The following MROH1 variants were observed in gnomAD, a reference collection of about 807,000 sequenced individuals.
MROH1 encodes maestro heat-like repeat-containing protein family member 1.
MROH1 carries 117 observed loss-of-function variants against 116.5 expected under a neutral mutation model. The ratio of observed to expected loss-of-function variants is 1.00; its 90% CI spans 0.86 to 1.17. MROH1 has a LOEUF of 1.17. Ranked by LOEUF, MROH1 falls within the 50% of genes most tolerant of loss-of-function variation. The pLI is 0.00. For missense variants in MROH1, 1,873 were observed against 1,338.5 expected (o/e 1.40, Z -6.23); for synonymous variants, 921 against 583.9 (o/e 1.58, Z -8.32).
In MROH1 at chr8:144,241,590, G is replaced by A. The variant is rs911552010; in HGVS notation, c.2178+73G>A. Reference sequence around the variant, plus strand: ...GTTTGAGGCTCAGGGGGTGCCCTGCGGGCTGGAGTGGGGCAGGAAGCTGGT... The same window carrying A: ...GTTTGAGGCTCAGGGGGTGCCCTGCAGGCTGGAGTGGGGCAGGAAGCTGGT... On this transcript the variant is annotated intron_variant, in intron 22 of 43. Transcript: ENST00000326134. 199 of 772,552 alleles carry A rather than the reference G, an allele frequency of 2.6e-4. 1 individual carries two copies. Among genetic ancestry groups the A allele is most frequent in the African/African-American group, 2.1e-3 (127 of 59,072 alleles). 47.9% of individuals were successfully genotyped at this position (772,552 alleles called of 1,614,324 possible). A position where few individuals can be genotyped will look rare whatever the true frequency, so the allele number is the denominator to read the frequency against.
intron 12 of MROH1, among the ~76,000 whole-genome samples, chr8:144,202,555 G>T (rs1204316621): frequency 7.1e-6 from 1 of 141,090 alleles, no homozygotes. Flanking sequence ...GCTCTGTATG[G>T]AGGGGCAGGG....
At chr8:144,160,561 G>C (rs59309030) in intron 1 of MROH1, among the ~76,000 whole-genome samples, 1 of 147,570 alleles carries the variant, frequency 6.8e-6, no homozygotes, top group Non-Finnish European at 1.5e-5. Context: ...AGTCTACCAA[G>C]GGTCCCACCG....
At chr8:144,241,268 G>C (rs1042768446) in intron 21 of MROH1, 127 bp from the exon 22 acceptor site, 4 of 692,116 alleles carry the variant, frequency 5.8e-6, no homozygotes, top group South Asian at 4.8e-5. Flanking sequence ...GTGTGCATGT[G>C]TTGATGTGTG....
chr8:144,161,509 C>A lies in MROH1; in HGVS notation c.-57+420C>A, dbSNP rs139131929. On this transcript the variant is annotated intron_variant, in intron 2 of 43. Transcript: ENST00000326134. Reference sequence around the variant, plus strand: ...TTAGGTGTTTTGCTGGGCCCTAGGACTGGGTCCTCTCTCCAGGCAGTGAGC... The same window carrying A: ...TTAGGTGTTTTGCTGGGCCCTAGGAATGGGTCCTCTCTCCAGGCAGTGAGC... Among the ~76,000 whole-genome samples, 613 of 152,296 alleles carry A rather than the reference C, an allele frequency of 4.0e-3. 1 individual carries two copies. The highest frequency in any genetic ancestry group is 0.014 in the African/African-American group (582 of 41,562).
chr8:144,235,002 C>T (rs1839819274), intron 14 of MROH1, among the ~76,000 whole-genome samples: 1 of 149,718 alleles, frequency 6.7e-6, no homozygotes, highest in Admixed American at 6.7e-5. Context: ...AAGCAGTTCT[C>T]ATGCCTCAGC....
At chr8:144,215,884 AAAG>A (rs1197776890) in intron 12 of MROH1, among the ~76,000 whole-genome samples, 52 of 146,944 alleles carry the variant, frequency 3.5e-4, no homozygotes, top group African/African-American at 1.1e-3. Context: ...AAAAAAAAAA[AAAG>A]AAAAATAATG....
chr8:144,258,467 G>A (rs1217811614), intron 35 of MROH1, among the ~76,000 whole-genome samples: 2 of 152,184 alleles, frequency 1.3e-5, no homozygotes, highest in Non-Finnish European at 2.9e-5. Flanking sequence ...GCGTCTGGGT[G>A]TCCGGAAAGG....
In MROH1 at chr8:144,180,131, T is replaced by C. The variant is rs762371610; in HGVS notation, c.301-47T>C. On this transcript the variant is annotated intron_variant, in intron 5 of 43. Transcript: ENST00000326134. The surrounding 1 kb of genome is among the most constrained non-coding windows in gnomAD (Gnocchi z 7.4). ...AGGCTGGCAGCGACTGAGGGCAGAA[T>C]GTCTTGGTCTTGCCTTTTGGTCTAC... is the stretch of plus-strand genomic sequence containing the variant. 12 of 1,607,354 alleles carry C rather than the reference T, an allele frequency of 7.5e-6. No individual in the cohort carries two copies. In the Admixed American group the frequency reaches 8.4e-5, roughly 11 times the overall value.
chr8:144,192,637 A>G (rs560089115), intron 10 of MROH1: 1 of 684,580 alleles, frequency 1.5e-6, no homozygotes, highest in East Asian at 2.8e-5. Flanking sequence ...AGGTGGCAGG[A>G]GTGGGTGCCC....
At chr8:144,242,766 C>T (rs2132952452) in intron 24 of MROH1, 138 bp downstream of exon 24, 2 of 675,240 alleles carry the variant, frequency 3.0e-6, no homozygotes, top group Non-Finnish European at 5.5e-6. Context: ...CCCCAGGAGG[C>T]GTTCGAGAGC....
chr8:144,177,313 C>T (rs549172246), intron 4 of MROH1, among the ~76,000 whole-genome samples: 2 of 152,352 alleles, frequency 1.3e-5, no homozygotes, highest in Admixed American at 6.5e-5. Context: ...TGGGAGCTGC[C>T]TGGCGCTGCC....
intron 29 of MROH1, among the ~76,000 whole-genome samples, chr8:144,246,133 G>A (rs1008195695): frequency 2.1e-5 from 3 of 140,546 alleles, no homozygotes; most frequent in African/African-American, 5.4e-5. Flanking sequence ...TTCTGAGACC[G>A]AGTCTCTCGC....
In MROH1 at chr8:144,166,502, CG is replaced by C. The variant is rs568877050; in HGVS notation, c.23-1789del. ...TGGCTCCCTTAAGGCTGACTGTGTG[CG>C]GGGCCAGGATGGGTGAAGCTCTGCC... is the stretch of plus-strand genomic sequence containing the variant. On this transcript the variant is annotated intron_variant, in intron 3 of 43. Transcript: ENST00000326134. Among the ~76,000 whole-genome samples the C allele has an allele frequency of 9.2e-5, 14 of 152,250 alleles. 1 individual carries two copies. In the South Asian group the frequency reaches 2.7e-3, roughly 29 times the overall value.
chr8:144,213,053 G>A, intron 12 of MROH1: 1 of 779,690 alleles, frequency 1.3e-6, no homozygotes, highest in Middle Eastern at 2.3e-4. Context: ...ACTGAAACAT[G>A]AGGACTGCCC....
chr8:144,252,571 G>C (rs1588504313), intron 33 of MROH1: 1 of 152,142 alleles, frequency 6.6e-6, no homozygotes, highest in Non-Finnish European at 1.5e-5. Context: ...GGGAGGCTGA[G>C]GCAGGAGAAT....
At chr8:144,256,313 G>A (rs1446039523) in intron 35 of MROH1, among the ~76,000 whole-genome samples, 1 of 151,984 alleles carries the variant, frequency 6.6e-6, no homozygotes, top group East Asian at 1.9e-4. Context: ...GCCCAGGAGG[G>A]CTCTGGTTCC....
intron 1 of MROH1, among the ~76,000 whole-genome samples, chr8:144,157,819 A>C (rs1818526137): frequency 6.6e-6 from 1 of 150,820 alleles, no homozygotes; most frequent in Admixed American, 6.7e-5. Flanking sequence ...CTGGGACTAC[A>C]GGTGGGTGCC....
chr8:144,219,876 A>G (rs1490040925), intron 12 of MROH1, among the ~76,000 whole-genome samples: 2 of 152,204 alleles, frequency 1.3e-5, no homozygotes, highest in Non-Finnish European at 2.9e-5. Context: ...GGTTCCAGGC[A>G]TGAAGAGGCT....
Position 144,247,288 on chromosome 8 carries a change from TCTC to T in MROH1, c.2872-5_2872-3del. 1.3e-6 allele frequency: 1 copy of T among 767,468 alleles called. No homozygotes were observed. The highest frequency in any genetic ancestry group is 1.4e-5 in the South Asian group (1 of 73,516). 47.5% of individuals were successfully genotyped at this position (767,468 alleles called of 1,614,324 possible). A position where few individuals can be genotyped will look rare whatever the true frequency, so the allele number is the denominator to read the frequency against. On this transcript the variant is annotated splice_polypyrimidine_tract_variant and intron_variant, in intron 29 of 43. Transcript: ENST00000326134. Reference sequence around the variant, plus strand: ...CCCCAGCATTCTAATAGCCCAGGCATCTCCTCCTCCAGGCCCTGGTGCCCTTCC... The same window carrying T: ...CCCCAGCATTCTAATAGCCCAGGCATCTCCTCCAGGCCCTGGTGCCCTTCC...
Sources: gnomAD v4.1 joint callset for allele counts (sites outside exome capture counted in the v4.1 genomes callset) on GRCh38, gnomAD v4.1.1 for gene constraint, Gnocchi (gnomAD v3.1) non-coding constraint, MANE v1.5 for transcripts, NCBI Gene and HGNC (gene_info 2026-07-23, HGNC 2026-07-21) for gene names.